CNTNAP4: variants seen among roughly 807,000 people sequenced by gnomAD.
The protein encoded by CNTNAP4 is contactin associated protein family member 4.
Under a neutral mutation model 148.4 loss-of-function variants are expected in CNTNAP4, and 98 were observed. The ratio of observed to expected loss-of-function variants is 0.66; its 90% CI spans 0.56 to 0.78. The LOEUF is 0.78. CNTNAP4 is among the 30% of genes least tolerant of loss of function. The probability of loss-of-function intolerance (pLI) is 0.00; values close to 1 mark genes in which losing one functional copy is unlikely to be tolerated. For synonymous variants in CNTNAP4, 730 were observed against 565.1 expected (o/e 1.29, Z -4.14); for missense variants, 1,935 against 1,565.6 (o/e 1.24, Z -3.98).
intron 1 of CNTNAP4, among the ~76,000 whole-genome samples, chr16:76,284,420 A>G (rs1467245984): frequency 1.3e-5 from 2 of 151,986 alleles, no homozygotes; most frequent in African/African-American, 4.8e-5. Context: ...AGAAAGTGAA[A>G]GAAATGCCCC....
intron 9 of CNTNAP4, 131 bp from the exon 10 acceptor site, chr16:76,467,221 C>A: frequency 1.4e-6 from 1 of 723,692 alleles, no homozygotes. Context: ...ATAATGACTG[C>A]AGTCATTATT....
At chr16:76,282,524 G>A (rs957321648) in intron 1 of CNTNAP4, among the ~76,000 whole-genome samples, 1 of 151,844 alleles carries the variant, frequency 6.6e-6, no homozygotes, top group Admixed American at 6.6e-5. Context: ...ATCATATGAG[G>A]AAAATGTTTT....
At position 76,322,317 on chromosome 16, in the gene CNTNAP4, G is replaced by A. The variant is rs28711152; in HGVS notation, c.196+5794G>A. 9.1e-3 allele frequency among the ~76,000 whole-genome samples: 1,392 copies of A among 152,190 alleles called. 21 individuals are homozygous for A. The highest frequency in any genetic ancestry group is 0.032 in the African/African-American group (1,319 of 41,522). On this transcript the variant is annotated intron_variant, in intron 2 of 23. Transcript: ENST00000611870. ...TACAGCTCTTGATATTGAGATGGGGGTGCTAATATGGCTGAAACTCTGAAT... is the reference window on the plus strand; with the variant it reads ...TACAGCTCTTGATATTGAGATGGGGATGCTAATATGGCTGAAACTCTGAAT...
intron 6 of CNTNAP4, 109 bp from the exon 7 acceptor site, chr16:76,449,606 T>C: frequency 1.1e-6 from 1 of 901,788 alleles, no homozygotes; most frequent in Non-Finnish European, 1.6e-6. Flanking sequence ...TGTAGGGTTA[T>C]GAAAAATTGA....
chr16:76,482,005 T>A (rs1033353667), intron 12 of CNTNAP4, among the ~76,000 whole-genome samples: 4 of 101,662 alleles, frequency 3.9e-5, no homozygotes, highest in African/African-American at 1.5e-4. Context: ...GAGTTTATTT[T>A]TTTATTTTTT....
At chr16:76,303,289 C>G (rs1278757760) in intron 1 of CNTNAP4, among the ~76,000 whole-genome samples, 1 of 151,968 alleles carries the variant, frequency 6.6e-6, no homozygotes, top group African/African-American at 2.4e-5. Flanking sequence ...CAGGAAAATT[C>G]CTTATCACTA....
At chr16:76,305,416 A>T (rs16944192) in intron 1 of CNTNAP4, among the ~76,000 whole-genome samples, 26,793 of 152,016 alleles carry the variant, frequency 0.18, 2,906 homozygotes, top group East Asian at 0.34. Context: ...TTTAAAACCA[A>T]TTCCTTCCTT....
At chr16:76,310,254 A>G (rs999070023) in intron 1 of CNTNAP4, among the ~76,000 whole-genome samples, 76 of 152,166 alleles carry the variant, frequency 5.0e-4, no homozygotes, top group African/African-American at 1.6e-3. Flanking sequence ...TGAACCTGAA[A>G]TTTGTAGCAG....
At chr16:76,418,376 T>C (rs2079060943) in intron 3 of CNTNAP4, among the ~76,000 whole-genome samples, 1 of 147,458 alleles carries the variant, frequency 6.8e-6, no homozygotes, top group Non-Finnish European at 1.5e-5. Context: ...CTTGAGAAAT[T>C]TGTATCTTCT....
Position 76,423,984 on chromosome 16 carries a change from G to C in CNTNAP4, c.391-3468G>C, listed in dbSNP as rs1166141839. On this transcript the variant is annotated intron_variant, in intron 3 of 23. Coordinates refer to ENST00000611870, the MANE Select transcript of CNTNAP4 (RefSeq NM_033401.5). ...AAAAATCTAGATTTGACTGGAATGT[G>C]CTGTAAGTCCCATATCCCCAACCTC... Among the ~76,000 whole-genome samples the C allele has an allele frequency of 3.3e-5, 5 of 151,988 alleles. No individual in the cohort carries two copies. In the South Asian group the frequency reaches 1.0e-3, roughly 32 times the overall value.
intron 1 of CNTNAP4, chr16:76,309,825 C>T (rs1221662604): frequency 5.7e-6 from 4 of 699,958 alleles, no homozygotes; most frequent in Non-Finnish European, 1.0e-5. Flanking sequence ...TGATGGGTTG[C>T]TCAGGGGTTT....
At chr16:76,556,332 A>G (rs777886894) in intron 23 of CNTNAP4, among the ~76,000 whole-genome samples, 2 of 152,168 alleles carry the variant, frequency 1.3e-5, no homozygotes, top group Non-Finnish European at 1.5e-5. Flanking sequence ...GGCTGGCCAC[A>G]TTTTATTCAT....
intron 15 of CNTNAP4, 38 bp downstream of exon 15, chr16:76,498,732 A>G (rs767333434): frequency 6.5e-7 from 1 of 1,545,004 alleles, no homozygotes; most frequent in East Asian, 2.3e-5. Context: ...TATTTGAGAA[A>G]AGAACCATGA....
At position 76,553,370 on chromosome 16, in the gene CNTNAP4, C is replaced by T. The variant is rs2085044644; in HGVS notation, c.3530C>T (p.Ala1177Val). 1.2e-6 allele frequency: 2 copies of T among 1,612,656 alleles called. No individual in the cohort carries two copies. The change falls in exon 22 of 24, where the codon GCC becomes GTC. Residue 1177 changes from alanine (A) to valine (V), a missense_variant. Physicochemically the swap from Ala to Val is moderately conservative, Grantham distance 64. Coordinates refer to ENST00000611870, the MANE Select transcript of CNTNAP4 (RefSeq NM_033401.5). ...CLSAVQLSHV[A>V]PLKAALHPSH... ...TCTGCAGTGCAGCTCAGCCACGTGG[C>T]CCCTCTGAAGGCAGCTCTGCACCCC... is the stretch of plus-strand genomic sequence containing the variant.
chr16:76,463,914 A>G (rs1281006049), intron 9 of CNTNAP4, among the ~76,000 whole-genome samples: 2 of 152,214 alleles, frequency 1.3e-5, no homozygotes, highest in Non-Finnish European at 1.5e-5. Context: ...CTTAAAAAAA[A>G]TTACGAATCT....
intron 3 of CNTNAP4, among the ~76,000 whole-genome samples, chr16:76,386,647 A>T (rs1442218037): frequency 6.6e-6 from 1 of 152,176 alleles, no homozygotes; most frequent in African/African-American, 2.4e-5. Flanking sequence ...AAGTGAATTC[A>T]TGTCATCAGT....
chr16:76,517,320 C>T (rs1353268802), intron 15 of CNTNAP4, among the ~76,000 whole-genome samples: 1 of 152,074 alleles, frequency 6.6e-6, no homozygotes, highest in Non-Finnish European at 1.5e-5. Context: ...TTTTGACATC[C>T]TGCTATTGTT....
At chr16:76,432,760 CT>C (rs1432725606) in intron 4 of CNTNAP4, among the ~76,000 whole-genome samples, 1 of 151,968 alleles carries the variant, frequency 6.6e-6, no homozygotes, top group African/African-American at 2.4e-5. Flanking sequence ...TTCTAATTTC[CT>C]TTTCTCTAGT....
chr16:76,304,143 T>A (rs1231083124), intron 1 of CNTNAP4, among the ~76,000 whole-genome samples: 5 of 152,080 alleles, frequency 3.3e-5, no homozygotes, highest in Non-Finnish European at 7.4e-5. Context: ...AAATCCATGT[T>A]TTGTTTAGTA....
Sources: allele counts gnomAD v4.1 joint callset (sites outside exome capture counted in the v4.1 genomes callset), GRCh38; gene constraint gnomAD v4.1.1; transcripts MANE v1.5; gene names NCBI Gene and HGNC (gene_info 2026-07-23, HGNC 2026-07-21).